Variants in CORO1C observed in about 807,000 individuals in gnomAD.
The protein encoded by CORO1C is coronin 1C, also known as coronin-1C.
In CORO1C, 14 loss-of-function variants were observed where a neutral mutation model predicts 51.2. That is an observed-to-expected ratio of 0.27 (90% CI 0.18 to 0.43). The LOEUF (loss-of-function observed/expected upper bound fraction) is 0.43. Ranked by LOEUF, CORO1C falls within the 20% of genes least tolerant of loss-of-function variation. The probability of loss-of-function intolerance (pLI) is 1.00; values close to 1 mark genes in which losing one functional copy is unlikely to be tolerated. For synonymous variants in CORO1C, 181 were observed against 210.5 expected, an observed-to-expected ratio of 0.86 and a Z score of 1.21; for missense variants, 417 against 607.8, an observed-to-expected ratio of 0.69 and a Z score of 3.30.
At chr12:108,673,716 G>A (rs1020438479) in intron 3 of CORO1C, among the ~76,000 whole-genome samples, 5 of 151,980 alleles carry the variant, frequency 3.3e-5, no homozygotes, top group East Asian at 1.9e-4. Flanking sequence ...CTCATTTACC[G>A]CACCAAAAAT....
intron 3 of CORO1C, among the ~76,000 whole-genome samples, chr12:108,675,024 C>T (rs1044941803): frequency 6.6e-6 from 1 of 152,114 alleles, no homozygotes; most frequent in African/African-American, 2.4e-5. Context: ...TTGTGAGAGG[C>T]CAAGTCAATC....
intron 2 of CORO1C, among the ~76,000 whole-genome samples, chr12:108,678,971 C>T (rs1213131147): frequency 6.6e-6 from 1 of 150,890 alleles, no homozygotes; most frequent in Non-Finnish European, 1.5e-5. Context: ...ATTAGCTGGT[C>T]GTGGTGGTGT....
chr12:108,684,495 T>C (rs1343724131), intron 2 of CORO1C, among the ~76,000 whole-genome samples: 1 of 152,192 alleles, frequency 6.6e-6, no homozygotes, highest in Non-Finnish European at 1.5e-5. Flanking sequence ...TTGGAAATAG[T>C]GGCAAAAGCA....
intron 1 of CORO1C, among the ~76,000 whole-genome samples, chr12:108,703,486 C>T (rs1247478793): frequency 6.6e-6 from 1 of 152,170 alleles, no homozygotes; most frequent in Non-Finnish European, 1.5e-5. Flanking sequence ...AATAAACTTT[C>T]GAAGATGGAA....
rs559265753 is a variant in CORO1C at position 108,678,264 on chromosome 12, G to A, written c.318+8C>T. ...GGCCTGTGTGCACACAACACCCTGG[G>A]AGCTTACCATGACCGTGCAGTCCTC... On this transcript the variant is annotated splice_region_variant and intron_variant, in intron 3 of 10. Transcript: ENST00000261401. 1 of 1,607,638 alleles carries A rather than the reference G, an allele frequency of 6.2e-7. No individual in the cohort carries two copies. The highest frequency in any genetic ancestry group is 1.7e-5 in the Admixed American group (1 of 59,102).
At chr12:108,728,354 T>G (rs77934196) in intron 1 of CORO1C, among the ~76,000 whole-genome samples, 1 of 140,802 alleles carries the variant, frequency 7.1e-6, no homozygotes, top group Non-Finnish European at 1.6e-5. Flanking sequence ...AAAAAAAAAA[T>G]GAAGTACTAT....
At chr12:108,666,170 A>C (rs148321362) in intron 3 of CORO1C, among the ~76,000 whole-genome samples, 2 of 152,364 alleles carry the variant, frequency 1.3e-5, no homozygotes, top group East Asian at 3.9e-4. Flanking sequence ...TCCAGTCTCA[A>C]AATAAAACAC....
chr12:108,685,876 C>T (rs984088052), intron 2 of CORO1C, among the ~76,000 whole-genome samples: 8 of 152,098 alleles, frequency 5.3e-5, no homozygotes, highest in Admixed American at 2.0e-4. Flanking sequence ...GATTATTTGG[C>T]ATGCTGGATG....
chr12:108,711,762 G>A (rs2035187545), intron 1 of CORO1C, among the ~76,000 whole-genome samples: 1 of 151,506 alleles, frequency 6.6e-6, no homozygotes, highest in African/African-American at 2.4e-5. Context: ...ACAAGACAGG[G>A]TATTTATATT....
At chr12:108,720,175 G>A (rs12371090) in intron 1 of CORO1C, among the ~76,000 whole-genome samples, 4 of 152,178 alleles carry the variant, frequency 2.6e-5, no homozygotes, top group Admixed American at 2.6e-4. Flanking sequence ...GACAGAGCAA[G>A]ACCCTGTCTC....
intron 10 of CORO1C, among the ~76,000 whole-genome samples, chr12:108,648,136 C>T (rs554292017): frequency 2.0e-5 from 3 of 152,292 alleles, no homozygotes; most frequent in East Asian, 1.9e-4. Flanking sequence ...AGCCCCACAC[C>T]GCCAGATCCT....
At chr12:108,656,553 C>T (rs2033025506) in intron 6 of CORO1C, among the ~76,000 whole-genome samples, 1 of 152,190 alleles carries the variant, frequency 6.6e-6, no homozygotes, top group Non-Finnish European at 1.5e-5. Context: ...GGAGGTGTAC[C>T]CAACAGCTCA....
At chr12:108,656,199 AGAAGTGAGGAGCCCCTCCGC>A in intron 6 of CORO1C, among the ~76,000 whole-genome samples, 1 of 81,508 alleles carries the variant, frequency 1.2e-5, no homozygotes, top group South Asian at 5.0e-4. Flanking sequence ...GCCCCGTCTG[AGAAGTGAGGAGCCCCTCCGC>A]CCGGCAGCCA....
intron 8 of CORO1C, chr12:108,652,055 C>CTTTTTTTTTTTTTTTTTTTTTT (rs202228272): frequency 2.1e-5 from 3 of 142,352 alleles, no homozygotes; most frequent in Admixed American, 9.9e-5. Context: ...TTTTTCTTTT[C>CTTTTTTTTTTTTTTTTTTTTTT]TTTTTTTTTT....
chr12:108,710,839 G>A (rs1216676713), intron 1 of CORO1C, among the ~76,000 whole-genome samples: 1 of 152,110 alleles, frequency 6.6e-6, no homozygotes, highest in Non-Finnish European at 1.5e-5. Flanking sequence ...TGGGATTACA[G>A]GTGTGAGCCA....
At chr12:108,672,111 A>AT (rs2033743109) in intron 3 of CORO1C, among the ~76,000 whole-genome samples, 1 of 152,208 alleles carries the variant, frequency 6.6e-6, no homozygotes, top group South Asian at 2.1e-4. Flanking sequence ...AAGATCACAG[A>AT]TAACTTATTA....
At chr12:108,712,263 A>C (rs2136877517) in intron 1 of CORO1C, among the ~76,000 whole-genome samples, 1 of 152,162 alleles carries the variant, frequency 6.6e-6, no homozygotes, top group African/African-American at 2.4e-5. Flanking sequence ...CAATGCCAAC[A>C]GTAAAAAATT....
intron 1 of CORO1C, among the ~76,000 whole-genome samples, chr12:108,729,739 C>A (rs1040890753): frequency 1.3e-5 from 2 of 152,168 alleles, no homozygotes; most frequent in Admixed American, 1.3e-4. Context: ...TGTATAGAAC[C>A]AAGTCCAAAA....
intron 1 of CORO1C, among the ~76,000 whole-genome samples, chr12:108,720,224 T>G (rs1294509591): frequency 6.6e-6 from 1 of 152,020 alleles, no homozygotes; most frequent in Non-Finnish European, 1.5e-5. Context: ...ACACACAAAC[T>G]TGCTAACCAG....
Sources: allele counts gnomAD v4.1 joint callset (sites outside exome capture counted in the v4.1 genomes callset), GRCh38; gene constraint gnomAD v4.1.1; transcripts MANE v1.5; gene names NCBI Gene and HGNC (gene_info 2026-07-23, HGNC 2026-07-21).